The following LARS1 variants were observed in gnomAD, a reference collection of about 807,000 sequenced individuals.
The protein encoded by LARS1 is leucyl-tRNA synthetase 1.
A neutral mutation model predicts 162.8 loss-of-function variants in LARS1; 100 were observed. That is an observed-to-expected ratio of 0.61 (90% CI 0.52 to 0.73). LARS1 has a LOEUF of 0.73. Among genes scored for constraint, LARS1 ranks in the 30% least tolerant of loss-of-function variants. The pLI is 0.00. For missense variants in LARS1, 1,258 were observed against 1,408.9 expected (o/e 0.89, Z 1.71); for synonymous variants, 457 against 462.8 (o/e 0.99, Z 0.16).
At chr5:146,158,015 A>C (rs763879615) in intron 8 of LARS1, among the ~76,000 whole-genome samples, 5 of 152,218 alleles carry the variant, frequency 3.3e-5, no homozygotes, top group Non-Finnish European at 7.3e-5. Context: ...AGTGTTTGCC[A>C]AAATGAAGGT....
At chr5:146,146,353 A>G (rs1186105449) in intron 15 of LARS1, among the ~76,000 whole-genome samples, 2 of 139,582 alleles carry the variant, frequency 1.4e-5, no homozygotes, top group African/African-American at 4.9e-5. Context: ...AAAAAAAAAA[A>G]AGAAAGAGAA....
chr5:146,146,896 TAG>T (rs1235069016), intron 15 of LARS1, among the ~76,000 whole-genome samples: 1 of 151,760 alleles, frequency 6.6e-6, no homozygotes, highest in Non-Finnish European at 1.5e-5. Flanking sequence ...GTGTTTTCAG[TAG>T]AGACAGGATT....
Position 146,176,021 on chromosome 5 carries a change from G to A in LARS1, c.125+1526C>T, listed in dbSNP as rs571825818. 5.3e-5 allele frequency among the ~76,000 whole-genome samples: 8 copies of A among 151,598 alleles called. 1 individual carries two copies. The South Asian group carries it at 1.0e-3, about 20-fold the overall frequency. On this transcript the variant is annotated intron_variant, in intron 2 of 31. Transcript: ENST00000394434. ...AAACAAATTAGCCAGGCATGGTGGC[G>A]CATGCCTGTAGTCCCAGCTACTCAG...
intron 2 of LARS1, among the ~76,000 whole-genome samples, chr5:146,175,659 C>T (rs998674905): frequency 1.3e-5 from 2 of 151,634 alleles, no homozygotes; most frequent in Non-Finnish European, 2.9e-5. Context: ...AACCCCATCT[C>T]TACTAAAAAT....
At chr5:146,142,674 C>G (rs1042474783) in intron 20 of LARS1, 198 bp downstream of exon 20, 11 of 514,364 alleles carry the variant, frequency 2.1e-5, no homozygotes, top group Non-Finnish European at 3.4e-5. Flanking sequence ...GCTTTGGTGC[C>G]TGGGGTAGGT....
chr5:146,177,781 C>A, intron 1 of LARS1, 116 bp from the exon 2 acceptor site: 1 of 461,722 alleles, frequency 2.2e-6, no homozygotes, highest in South Asian at 2.6e-5. Flanking sequence ...CCATGGTTAT[C>A]TTGAAATTTA....
intron 15 of LARS1, among the ~76,000 whole-genome samples, 172 bp downstream of exon 15, chr5:146,149,450 G>T (rs1202856650): frequency 6.6e-6 from 1 of 152,138 alleles, no homozygotes; most frequent in African/African-American, 2.4e-5. Context: ...CAACATTATA[G>T]ATGGGATGTT....
intron 10 of LARS1, among the ~76,000 whole-genome samples, chr5:146,155,232 A>G (rs1753468881): frequency 6.6e-6 from 1 of 152,316 alleles, no homozygotes; most frequent in South Asian, 2.1e-4. Context: ...TGTTTGTGAC[A>G]TTGTACTCCT....
At chr5:146,167,814 C>G (rs1025936319) in intron 5 of LARS1, among the ~76,000 whole-genome samples, 1 of 151,710 alleles carries the variant, frequency 6.6e-6, no homozygotes, top group Admixed American at 6.6e-5. Context: ...CAGGCGTGAG[C>G]CACCGCGCCC....
At chr5:146,114,919 C>T (rs1441576828) in intron 31 of LARS1, among the ~76,000 whole-genome samples, 1 of 151,890 alleles carries the variant, frequency 6.6e-6, no homozygotes, top group African/African-American at 2.4e-5. Context: ...TGGTGCATGC[C>T]TGTAGTCCCA....
intron 14 of LARS1, among the ~76,000 whole-genome samples, chr5:146,150,063 C>T (rs1471120209): frequency 6.6e-6 from 1 of 152,148 alleles, no homozygotes; most frequent in Non-Finnish European, 1.5e-5. Context: ...CATTCGGCTT[C>T]ATCTAATTAG....
chr5:146,132,936 A>G lies in LARS1; in HGVS notation c.2358T>C (p.Ser786=). ...TATCATTGAAAGTGCTGGCAGGACC[A>G]CTTCTTAGGCTGTCCCAGTTGGCAA... ...EMVANWDSLR[S]GPASTFNDRV... The change falls in exon 23 of 32, where the codon AGT becomes AGC. Residue 786 remains serine (S), a synonymous_variant. Coordinates refer to ENST00000394434, the MANE Select transcript of LARS1 (RefSeq NM_020117.11). 1 of 1,614,088 alleles carries G rather than the reference A, an allele frequency of 6.2e-7. No homozygotes were observed. Among genetic ancestry groups the G allele is most frequent in the Non-Finnish European group, 8.5e-7 (1 of 1,179,966 alleles).
intron 18 of LARS1, among the ~76,000 whole-genome samples, chr5:146,144,016 A>C (rs974881063): frequency 1.2e-4 from 19 of 152,150 alleles, no homozygotes; most frequent in Non-Finnish European, 2.4e-4. Flanking sequence ...AAAGAAAAAA[A>C]AGACAAATGG....
intron 15 of LARS1, among the ~76,000 whole-genome samples, chr5:146,146,169 C>T (rs939719927): frequency 1.6e-4 from 25 of 151,882 alleles, no homozygotes; most frequent in African/African-American, 5.1e-4. Context: ...GGAGAAACCC[C>T]GTCTCTACTA....
chr5:146,123,552 T>C (rs1455797547), intron 29 of LARS1, among the ~76,000 whole-genome samples: 2 of 151,806 alleles, frequency 1.3e-5, no homozygotes, highest in Admixed American at 6.6e-5. Flanking sequence ...TAATATATCA[T>C]GAACCAATAT....
intron 5 of LARS1, among the ~76,000 whole-genome samples, chr5:146,166,029 C>T (rs1460806097): frequency 7.9e-5 from 12 of 152,180 alleles, no homozygotes; most frequent in Admixed American, 7.9e-4. Flanking sequence ...GATGTGTATG[C>T]ATGGCTTAGC....
chr5:146,113,994 A>G lies in LARS1; in HGVS notation c.*112T>C. The G allele has an allele frequency of 1.3e-6, 1 of 786,772 alleles. No homozygotes were observed. Among genetic ancestry groups the G allele is most frequent in the South Asian group, 1.5e-5 (1 of 65,298 alleles). 48.7% of individuals were successfully genotyped at this position (786,772 alleles called of 1,614,324 possible). A position where few individuals can be genotyped will look rare whatever the true frequency, so the allele number is the denominator to read the frequency against. On this transcript the variant is annotated 3_prime_UTR_variant, in exon 32 of 32. Coordinates refer to ENST00000394434, the MANE Select transcript of LARS1 (RefSeq NM_020117.11). Reference sequence around the variant, plus strand: ...ATACATGCAGAATTGGATGGTTAGAAATGAAATCAATCTATTTAGGTCCAG... The same window carrying G: ...ATACATGCAGAATTGGATGGTTAGAGATGAAATCAATCTATTTAGGTCCAG...
chr5:146,143,110 T>TA (rs759667616), intron 19 of LARS1, 26 bp from the exon 20 acceptor site: 37 of 1,236,636 alleles, frequency 3.0e-5, no homozygotes, highest in Admixed American at 1.1e-4. Flanking sequence ...AACAAACTAT[T>TA]TTATATATAT....
At chr5:146,120,273 G>T in intron 31 of LARS1, 98 bp downstream of exon 31, 1 of 1,260,190 alleles carries the variant, frequency 7.9e-7, no homozygotes, top group Non-Finnish European at 1.1e-6. Context: ...ATACACAGCT[G>T]TCCATAAGCA....
Sources: allele counts gnomAD v4.1 joint callset (sites outside exome capture counted in the v4.1 genomes callset), GRCh38; gene constraint gnomAD v4.1.1; transcripts MANE v1.5; gene names NCBI Gene and HGNC (gene_info 2026-07-23, HGNC 2026-07-21).